The following IL6R variants were observed in gnomAD, a reference collection of about 807,000 sequenced individuals.
The protein encoded by IL6R is interleukin 6 receptor.
Under a neutral mutation model 48.3 loss-of-function variants are expected in IL6R, and 38 were observed. The ratio of observed to expected loss-of-function variants is 0.79; its 90% CI spans 0.61 to 1.03. IL6R has a LOEUF of 1.03. Among genes scored for constraint, IL6R ranks in the 50% least tolerant of loss-of-function variants. IL6R has a pLI of 0.00. For synonymous variants in IL6R, 264 were observed against 256.2 expected (o/e 1.03, Z -0.29); for missense variants, 534 against 618.3 (o/e 0.86, Z 1.45).
At chr1:154,464,680 C>T (rs563052646) in intron 9 of IL6R, among the ~76,000 whole-genome samples, 7 of 151,778 alleles carry the variant, frequency 4.6e-5, no homozygotes, top group African/African-American at 1.4e-4. Context: ...ACAGTCGGGT[C>T]GGGTGTGCCG....
rs936414846 is a variant in IL6R at position 154,469,391 on chromosome 1, T to C, written c.*4011T>C. 5 of 151,808 alleles carry C rather than the reference T, an allele frequency of 3.3e-5. No homozygotes were observed. The highest frequency in any genetic ancestry group is 1.2e-4 in the African/African-American group (5 of 41,394). The allele number at this position is 151,808 out of a possible 1,614,324, so 9.4% of individuals were successfully genotyped here. The stretch of plus-strand genomic sequence containing the variant: ...GTATATTTTTCAGTGTTTTTTTTTC[T>C]ACCAGCTATTTTGCATTTAAAGTGA... On this transcript the variant is annotated 3_prime_UTR_variant, in exon 10 of 10. Transcript: ENST00000368485.
chr1:154,410,589 C>T (rs1453470463), intron 1 of IL6R, among the ~76,000 whole-genome samples: 2 of 152,178 alleles, frequency 1.3e-5, no homozygotes, highest in East Asian at 3.9e-4. Flanking sequence ...GTTCTTTACC[C>T]TCTCCTCTTG....
At chr1:154,456,726 C>G (rs887790673) in intron 9 of IL6R, among the ~76,000 whole-genome samples, 2 of 152,056 alleles carry the variant, frequency 1.3e-5, no homozygotes, top group African/African-American at 4.8e-5. Flanking sequence ...TGAGATGCCC[C>G]GAGAACCTCA....
intron 6 of IL6R, among the ~76,000 whole-genome samples, chr1:154,440,809 C>T (rs1352726167): frequency 6.6e-6 from 1 of 152,156 alleles, no homozygotes; most frequent in Non-Finnish European, 1.5e-5. Flanking sequence ...TGCACCACCA[C>T]ACCCAGCTAA....
In IL6R at chr1:154,435,145, A is replaced by G. The variant is rs1324305689; in HGVS notation, c.796A>G (p.Thr266Ala). 6.2e-7 allele frequency: 1 copy of G among 1,614,094 alleles called. No individual in the cohort carries two copies. The highest frequency in any genetic ancestry group is 1.1e-5 in the South Asian group (1 of 91,082). ...TCGGGCTGAACGGTCAAAGACATTC[A>G]CAACATGGATGGTAAATTTATGTTT... ...RYRAERSKTF[T>A]TWMVKDLQHH... is the part of the protein sequence containing the mutation. The change falls in exon 5 of 10, where the codon ACA becomes GCA. Residue 266 changes from threonine (T) to alanine (A), a missense_variant. By Grantham distance (58) the Thr-to-Ala change is moderately conservative. Coordinates refer to ENST00000368485, the MANE Select transcript of IL6R (RefSeq NM_000565.4).
rs915627072 is a variant in IL6R, at chr1:154,467,625, G to A, written c.*2245G>A. ...GTTGGCAAAAAGGCAGGATGGCCGG[G>A]CGCGGTGGCTCACGCCTGTAATCCT... is the stretch of plus-strand genomic sequence containing the variant. On this transcript the variant is annotated 3_prime_UTR_variant, in exon 10 of 10. Transcript: ENST00000368485. 2.0e-5 allele frequency: 3 copies of A among 152,250 alleles called. No individual in the cohort carries two copies. Among genetic ancestry groups the A allele is most frequent in the Non-Finnish European group, 4.4e-5 (3 of 68,076 alleles). 9.4% of individuals were successfully genotyped at this position (152,250 alleles called of 1,614,324 possible).
intron 1 of IL6R, among the ~76,000 whole-genome samples, chr1:154,425,164 A>T (rs1688895428): frequency 6.6e-6 from 1 of 152,126 alleles, no homozygotes; most frequent in Non-Finnish European, 1.5e-5. Context: ...CTGCTTGTGG[A>T]TTTCATTTCT....
Position 154,405,797 on chromosome 1 carries a change from C to A in IL6R, c.85+83C>A. The A allele has an allele frequency of 9.6e-7, 1 of 1,046,800 alleles. No homozygotes were observed. The highest frequency in any genetic ancestry group is 2.5e-4 in the Middle Eastern group (1 of 4,010). 64.8% of individuals were successfully genotyped at this position (1,046,800 alleles called of 1,614,324 possible). Reference sequence around the variant, plus strand: ...CTTGGTCACCGCAGTCTGTGGGAGGCTGGAGGGAGGAAAGGAGGTGCGACG... The same window carrying A: ...CTTGGTCACCGCAGTCTGTGGGAGGATGGAGGGAGGAAAGGAGGTGCGACG... On this transcript the variant is annotated intron_variant, in intron 1 of 9. Transcript: ENST00000368485. This position sits in a 1 kb window ranked among gnomAD's most constrained non-coding sequence, Gnocchi z 5.2.
At chr1:154,414,532 T>A (rs1025686798) in intron 1 of IL6R, 7 of 776,846 alleles carry the variant, frequency 9.0e-6, no homozygotes, top group Non-Finnish European at 1.6e-5. Flanking sequence ...TCTTTTTGGG[T>A]GTGTTGAAGA....
chr1:154,406,249 C>T (rs904409579), intron 1 of IL6R, among the ~76,000 whole-genome samples: 2 of 152,186 alleles, frequency 1.3e-5, no homozygotes, highest in East Asian at 1.9e-4. Context: ...ACATCACGGG[C>T]GCTGAGTCAC....
intron 4 of IL6R, 106 bp from the exon 5 acceptor site, chr1:154,434,884 A>T (rs1689522077): frequency 1.3e-5 from 17 of 1,273,850 alleles, no homozygotes; most frequent in Non-Finnish European, 1.8e-5. Flanking sequence ...GTGCATGGGG[A>T]GTGAACGGGG....
rs1452726731 is a variant in IL6R at position 154,407,110 on chromosome 1, A to G, written c.85+1396A>G. Among the ~76,000 whole-genome samples the G allele has an allele frequency of 2.0e-5, 3 of 152,158 alleles. No individual in the cohort carries two copies. The East Asian group carries it at 5.8e-4, about 29-fold the overall frequency. On this transcript the variant is annotated intron_variant, in intron 1 of 9. Coordinates refer to ENST00000368485, the MANE Select transcript of IL6R (RefSeq NM_000565.4). ...GCTGGGGGCATTGGGGCAAGCTGAGAGTCACTCTTGTCTGGCTGAGTGCTG... is the reference window on the plus strand; with the variant it reads ...GCTGGGGGCATTGGGGCAAGCTGAGGGTCACTCTTGTCTGGCTGAGTGCTG...
intron 7 of IL6R, among the ~76,000 whole-genome samples, chr1:154,448,556 C>T (rs994966132): frequency 2.0e-5 from 3 of 152,206 alleles, no homozygotes; most frequent in Admixed American, 6.5e-5. Context: ...TTAACAAATT[C>T]CTTGAGTAAT....
chr1:154,453,958 G>T (rs1690730969), intron 8 of IL6R, among the ~76,000 whole-genome samples: 1 of 152,216 alleles, frequency 6.6e-6, no homozygotes, highest in Non-Finnish European at 1.5e-5. Flanking sequence ...AGTTCATATG[G>T]CTGGGGCTTG....
chr1:154,429,177 T>C lies in IL6R; in HGVS notation c.86-19T>C. 2 of 1,600,434 alleles carry C rather than the reference T, an allele frequency of 1.2e-6. No individual in the cohort carries two copies. The highest frequency in any genetic ancestry group is 8.6e-7 in the Non-Finnish European group (1 of 1,169,010). On this transcript the variant is annotated intron_variant, in intron 1 of 9. Coordinates refer to ENST00000368485, the MANE Select transcript of IL6R (RefSeq NM_000565.4). ...CTTCAGTGGCTGTGGGCTCACCAAG[T>C]GTCTTCTCCCTCCTCCAGAGGTGGC...
chr1:154,425,876 T>C (rs1027305970), intron 1 of IL6R, among the ~76,000 whole-genome samples: 2 of 151,674 alleles, frequency 1.3e-5, no homozygotes, highest in Admixed American at 1.3e-4. Flanking sequence ...GGCCGGGAGT[T>C]GAAGACCAGC....
In IL6R at chr1:154,447,013, C is replaced by T. The variant is rs867269603; in HGVS notation, c.950-1112C>T. Among the ~76,000 whole-genome samples the T allele has an allele frequency of 2.9e-4, 44 of 152,250 alleles. No individual in the cohort carries two copies. In the Middle Eastern group the frequency reaches 0.014, roughly 47 times the overall value. Reference sequence around the variant, plus strand: ...ATTTTTGGCCAGACGTGGTGGCACACGCCTGTAGTCCCAGATACTTGGGAA... The same window carrying T: ...ATTTTTGGCCAGACGTGGTGGCACATGCCTGTAGTCCCAGATACTTGGGAA... On this transcript the variant is annotated intron_variant, in intron 6 of 9. Coordinates refer to ENST00000368485, the MANE Select transcript of IL6R (RefSeq NM_000565.4).
At chr1:154,442,914 G>A (rs1314575322) in intron 6 of IL6R, among the ~76,000 whole-genome samples, 3 of 151,818 alleles carry the variant, frequency 2.0e-5, no homozygotes, top group Non-Finnish European at 4.4e-5. Flanking sequence ...CTATAGGCAT[G>A]CATCACGATG....
chr1:154,434,531 G>C lies in IL6R; in HGVS notation c.471G>C (p.Pro157=). 1 of 1,613,478 alleles carries C rather than the reference G, an allele frequency of 6.2e-7. No homozygotes were observed. Among genetic ancestry groups the C allele is most frequent in the Non-Finnish European group, 8.5e-7 (1 of 1,179,862 alleles). The change falls in exon 4 of 10, where the codon CCG becomes CCC. Residue 157 remains proline (P), a synonymous_variant. Coordinates refer to ENST00000368485, the MANE Select transcript of IL6R (RefSeq NM_000565.4). Reference sequence around the variant, plus strand: ...TTGTGTCTAACAGTCAGAACAGTCCGGCCGAAGACTTCCAGGAGCCGTGCC... The same window carrying C: ...TTGTGTCTAACAGTCAGAACAGTCCCGCCGAAGACTTCCAGGAGCCGTGCC... ...VLLVRKFQNS[P]AEDFQEPCQY...
Sources: gnomAD v4.1 joint callset for allele counts (sites outside exome capture counted in the v4.1 genomes callset) on GRCh38, gnomAD v4.1.1 for gene constraint, Gnocchi (gnomAD v3.1) non-coding constraint, MANE v1.5 for transcripts, NCBI Gene and HGNC (gene_info 2026-07-23, HGNC 2026-07-21) for gene names.